The following CTNNA3 variants were observed in gnomAD, a reference collection of about 807,000 sequenced individuals.
CTNNA3 encodes catenin alpha 3.
CTNNA3 carries 76 observed loss-of-function variants against 95.7 expected under a neutral mutation model. That is an observed-to-expected ratio of 0.79 (90% confidence interval 0.66 to 0.96). The LOEUF is 0.96. Among genes scored for constraint, CTNNA3 ranks in the 40% least tolerant of loss-of-function variants. CTNNA3 has a pLI of 0.00. For missense variants in CTNNA3, 1,191 were observed against 1,089.8 expected, an observed-to-expected ratio of 1.09 and a Z score of -1.31; for synonymous variants, 431 against 374.4, an observed-to-expected ratio of 1.15 and a Z score of -1.74.
intron 11 of CTNNA3, among the ~76,000 whole-genome samples, chr10:66,492,583 T>A (rs1839961992): frequency 6.6e-6 from 1 of 152,110 alleles, no homozygotes; most frequent in Admixed American, 6.6e-5. Flanking sequence ...ATGATAGCAA[T>A]CACTTATATT....
chr10:66,506,227 T>C (rs995818008), intron 11 of CTNNA3, among the ~76,000 whole-genome samples: 1 of 152,144 alleles, frequency 6.6e-6, no homozygotes, highest in Non-Finnish European at 1.5e-5. Flanking sequence ...ACACCTCCCA[T>C]TAGGCACTGC....
At chr10:67,450,728 T>C (rs1021983722) in intron 5 of CTNNA3, among the ~76,000 whole-genome samples, 8 of 151,978 alleles carry the variant, frequency 5.3e-5, no homozygotes, top group African/African-American at 1.9e-4. Context: ...AACAAACCAC[T>C]GTGACACAAA....
At chr10:66,766,440 GTT>G in intron 8 of CTNNA3, 24 bp from the exon 9 acceptor site, 2 of 1,454,656 alleles carry the variant, frequency 1.4e-6, no homozygotes, top group Non-Finnish European at 9.3e-7. Flanking sequence ...AAAAATTCAG[GTT>G]TTTTTTTTCC....
intron 1 of CTNNA3, among the ~76,000 whole-genome samples, chr10:67,688,310 G>C (rs1840775343): frequency 6.6e-6 from 1 of 152,062 alleles, no homozygotes; most frequent in Admixed American, 6.6e-5. Flanking sequence ...AGATTTCTTT[G>C]TTTGTTTCCT....
At chr10:66,154,437 C>G (rs2084370786) in intron 13 of CTNNA3, among the ~76,000 whole-genome samples, 1 of 151,542 alleles carries the variant, frequency 6.6e-6, no homozygotes, top group East Asian at 2.0e-4. Context: ...CAAAAGACAG[C>G]CTACAAATAT....
chr10:66,194,823 C>T (rs1360654225), intron 13 of CTNNA3, among the ~76,000 whole-genome samples: 3 of 152,118 alleles, frequency 2.0e-5, no homozygotes, highest in Admixed American at 2.0e-4. Context: ...CTGGAAGAAC[C>T]AGGTTAAATA....
chr10:66,503,071 T>A (rs1840333565), intron 11 of CTNNA3, among the ~76,000 whole-genome samples: 2 of 152,222 alleles, frequency 1.3e-5, no homozygotes, highest in Non-Finnish European at 2.9e-5. Flanking sequence ...TAAAGAGATT[T>A]ATCTTTCTCA....
At chr10:66,701,069 T>C (rs752874140) in intron 9 of CTNNA3, among the ~76,000 whole-genome samples, 5 of 152,170 alleles carry the variant, frequency 3.3e-5, no homozygotes, top group Non-Finnish European at 5.9e-5. Flanking sequence ...GGTTATTGAT[T>C]GAATTTTTTA....
At chr10:65,932,989 A>G (rs530537382) in intron 17 of CTNNA3, among the ~76,000 whole-genome samples, 1 of 152,254 alleles carries the variant, frequency 6.6e-6, no homozygotes, top group South Asian at 2.1e-4. Context: ...CAATCCTCAT[A>G]TGAACTGACC....
intron 15 of CTNNA3, among the ~76,000 whole-genome samples, chr10:66,022,380 G>T (rs2133429019): frequency 6.6e-6 from 1 of 152,132 alleles, no homozygotes; most frequent in Non-Finnish European, 1.5e-5. Context: ...GGTTGAGAAG[G>T]ACTTCATTTT....
At chr10:67,653,393 T>G (rs1839931814) in intron 1 of CTNNA3, among the ~76,000 whole-genome samples, 1 of 152,172 alleles carries the variant, frequency 6.6e-6, no homozygotes, top group Non-Finnish European at 1.5e-5. Flanking sequence ...AAACTACATA[T>G]GTCCCTCTTC....
At chr10:66,096,594 G>A (rs1185195500) in intron 14 of CTNNA3, among the ~76,000 whole-genome samples, 15 of 144,700 alleles carry the variant, frequency 1.0e-4, no homozygotes, top group South Asian at 2.2e-4. Flanking sequence ...CACAATCTCC[G>A]CTCACTGCTA....
chr10:66,666,823 A>T (rs541412736), intron 9 of CTNNA3, among the ~76,000 whole-genome samples: 5 of 152,250 alleles, frequency 3.3e-5, no homozygotes, highest in African/African-American at 1.2e-4. Context: ...TACTTTTTTA[A>T]TGTATAAAGC....
chr10:67,597,408 G>A (rs966969877), intron 3 of CTNNA3, among the ~76,000 whole-genome samples: 1 of 152,148 alleles, frequency 6.6e-6, no homozygotes, highest in Non-Finnish European at 1.5e-5. Context: ...TTAAATCTTT[G>A]AGCTTGTTCT....
At chr10:67,343,072 G>A in intron 5 of CTNNA3, among the ~76,000 whole-genome samples, 1 of 151,986 alleles carries the variant, frequency 6.6e-6, no homozygotes, top group African/African-American at 2.4e-5. Context: ...TGTGCCTCAG[G>A]CTTCTGAGTA....
chr10:66,127,145 G>A (rs10996918), intron 13 of CTNNA3, among the ~76,000 whole-genome samples: 11,175 of 151,790 alleles, frequency 0.074, 514 homozygotes, highest in Admixed American at 0.12. Flanking sequence ...GGTGGCGGGC[G>A]CCTGTAGTCC....
At chr10:67,096,676 C>A (rs1290438705) in intron 7 of CTNNA3, among the ~76,000 whole-genome samples, 1 of 151,688 alleles carries the variant, frequency 6.6e-6, no homozygotes, top group Non-Finnish European at 1.5e-5. Flanking sequence ...ATATTTCAGG[C>A]TCCCCTTTGT....
chr10:67,325,662 A>G (rs1006778785), intron 5 of CTNNA3, among the ~76,000 whole-genome samples: 5 of 152,106 alleles, frequency 3.3e-5, no homozygotes, highest in African/African-American at 1.2e-4. Context: ...TATGTGATCA[A>G]TTTTACAATG....
chr10:67,390,721 T>A (rs879730830), intron 5 of CTNNA3, among the ~76,000 whole-genome samples: 149 of 150,100 alleles, frequency 9.9e-4, no homozygotes, highest in Non-Finnish European at 1.7e-3. Flanking sequence ...TCAAGTGGGC[T>A]TCATCCCTGG....
Sources: gnomAD v4.1 joint callset for allele counts (sites outside exome capture counted in the v4.1 genomes callset) on GRCh38, gnomAD v4.1.1 for gene constraint, MANE v1.5 for transcripts, NCBI Gene and HGNC (gene_info 2026-07-23, HGNC 2026-07-21) for gene names.